ZBTB1: variants seen among roughly 807,000 people sequenced by gnomAD.
ZBTB1 encodes zinc finger and BTB domain containing 1, also known as zinc finger and BTB domain-containing protein 1.
A neutral mutation model predicts 51.6 loss-of-function variants in ZBTB1; 13 were observed. The ratio of observed to expected loss-of-function variants is 0.25; its 90% CI spans 0.16 to 0.40. The LOEUF (loss-of-function observed/expected upper bound fraction) is 0.40, where lower values mean the gene tolerates loss of function less well. Ranked by LOEUF, ZBTB1 falls within the 10% of genes least tolerant of loss-of-function variation. The pLI is 1.00. For synonymous variants in ZBTB1, 240 were observed against 282.2 expected, an observed-to-expected ratio of 0.85 and a Z score of 1.50; for missense variants, 567 against 856.5, an observed-to-expected ratio of 0.66 and a Z score of 4.22.
intron 1 of ZBTB1, among the ~76,000 whole-genome samples, chr14:64,507,757 A>G (rs1566629423): frequency 6.6e-6 from 1 of 152,228 alleles, no homozygotes; most frequent in Non-Finnish European, 1.5e-5. Flanking sequence ...TACTTTGTTC[A>G]TGTTAATGTT....
chr14:64,524,174 G>A lies in ZBTB1; in HGVS notation c.*528G>A. On this transcript the variant is annotated 3_prime_UTR_variant, in exon 2 of 2. Coordinates refer to ENST00000683701, the MANE Select transcript of ZBTB1 (RefSeq NM_001123329.2). ...ATTGACAAGCTTATTAGGCAAGTTA[G>A]GTGCACTGAATCTAACCTTTAAGGT... 5.1e-6 allele frequency: 5 copies of A among 985,048 alleles called. No individual in the cohort carries two copies. Among genetic ancestry groups the A allele is most frequent in the Non-Finnish European group, 6.0e-6 (5 of 829,830 alleles). 61.0% of individuals were successfully genotyped at this position (985,048 alleles called of 1,614,324 possible).
rs71123855 is a variant in ZBTB1 at position 64,518,904 on chromosome 14, GTATATATATATA to G, written c.-18-2562_-18-2551del. Reference sequence around the variant, plus strand: ...AATGAAGAAAACTAGTTGCAGAGAGGTATATATATATATATATATATATATATATATAGTATG... The same window carrying G: ...AATGAAGAAAACTAGTTGCAGAGAGGTATATATATATATATATATAGTATG... On this transcript the variant is annotated intron_variant, in intron 1 of 1. Transcript: ENST00000683701. Among the ~76,000 whole-genome samples, 103 of 95,120 alleles carry G rather than the reference GTATATATATATA, an allele frequency of 1.1e-3. 2 individuals are homozygous for G. The highest frequency in any genetic ancestry group is 4.4e-3 in the African/African-American group (98 of 22,518). The allele number at this position is 95,120 out of a possible 152,430, so 62.4% of individuals were successfully genotyped here.
At chr14:64,526,108 G>A (rs1369885083), downstream of ZBTB1, among the ~76,000 whole-genome samples, 1 of 144,518 alleles carries the variant, frequency 6.9e-6, no homozygotes, top group South Asian at 2.1e-4. Flanking sequence ...ATGAGCCACC[G>A]TGCCCGGCCA....
At position 64,531,288 on chromosome 14, in the gene ZBTB1, T is replaced by G. The variant is rs188546577; in HGVS notation, c.1899-573T>G. Among the ~76,000 whole-genome samples the G allele has an allele frequency of 2.0e-5, 3 of 152,254 alleles. No individual in the cohort carries two copies. The East Asian group carries it at 5.8e-4, about 29-fold the overall frequency. On this transcript the variant is annotated intron_variant, in intron 2 of 2. Coordinates refer to the ZBTB1 transcript ENST00000358738. ...TCTTATTATGAGGGAAAAGCACTGT[T>G]GCCAAAAATATAATTTTACTCAGAA...
chr14:64,506,732 C>T (rs535530185), intron 1 of ZBTB1, among the ~76,000 whole-genome samples: 4 of 152,266 alleles, frequency 2.6e-5, no homozygotes, highest in South Asian at 4.1e-4. Flanking sequence ...AACAGTCTTT[C>T]CTGAAGCCTT....
chr14:64,528,344 C>CTTTTTTTTTTTTTTTTTTTT (rs71123857), downstream of ZBTB1, among the ~76,000 whole-genome samples: 1 of 115,538 alleles, frequency 8.7e-6, no homozygotes, highest in African/African-American at 3.5e-5. Context: ...TTTTTCTTTT[C>CTTTTTTTTTTTTTTTTTTTT]TTTTTTTTTT....
At chr14:64,503,878 T>TACGTGCGC (rs1402543284), upstream of ZBTB1, 1 of 152,304 alleles carries the variant, frequency 6.6e-6, no homozygotes, top group Non-Finnish European at 1.5e-5. Context: ...CGTGCGTGCG[T>TACGTGCGC]ACGTGCGCGC....
chr14:64,508,890 A>G (rs2140087499), intron 1 of ZBTB1, among the ~76,000 whole-genome samples: 1 of 152,380 alleles, frequency 6.6e-6, no homozygotes, highest in Middle Eastern at 3.4e-3. Flanking sequence ...GTAATGACTG[A>G]GATACTGCCC....
chr14:64,504,034 CG>C, upstream of ZBTB1: 1 of 152,392 alleles, frequency 6.6e-6, no homozygotes, highest in Non-Finnish European at 1.5e-5. Flanking sequence ...CCGCGTGACC[CG>C]GGGACTTTCC....
chr14:64,517,243 CCCTA>C (rs1467584565), intron 1 of ZBTB1, among the ~76,000 whole-genome samples: 6 of 152,246 alleles, frequency 3.9e-5, no homozygotes, highest in Non-Finnish European at 5.9e-5. Flanking sequence ...GAGGTATTAT[CCCTA>C]CCTTTTCAGT....
At chr14:64,511,297 G>A (rs570372263) in intron 1 of ZBTB1, 2 of 152,162 alleles carry the variant, frequency 1.3e-5, no homozygotes, top group African/African-American at 4.8e-5. Context: ...AGGATGAATG[G>A]ATTAAAATGT....
At position 64,524,858 on chromosome 14, in the gene ZBTB1, T is replaced by G; in HGVS notation, c.*1212T>G. ...ATTTTTTCAGTTAAAGTAGTAGTAT[T>G]GTTAGTTGTTGCTGACACAGGGTCT... On this transcript the variant is annotated 3_prime_UTR_variant, in exon 2 of 2. Transcript: ENST00000683701. 1 of 985,282 alleles carries G rather than the reference T, an allele frequency of 1.0e-6. No homozygotes were observed. The highest frequency in any genetic ancestry group is 1.2e-6 in the Non-Finnish European group (1 of 829,816). 61.0% of individuals were successfully genotyped at this position (985,282 alleles called of 1,614,324 possible).
chr14:64,519,222 C>A, intron 1 of ZBTB1, among the ~76,000 whole-genome samples: 1 of 149,430 alleles, frequency 6.7e-6, no homozygotes, highest in Admixed American at 6.7e-5. Flanking sequence ...AATCTCTGCT[C>A]CCTGCAACCT....
exon 3 of ZBTB1, chr14:64,532,892 T>A (rs1303553573): frequency 6.6e-6 from 1 of 152,100 alleles, no homozygotes; most frequent in Non-Finnish European, 1.5e-5. Context: ...CTTAACCATA[T>A]GAATTTTATT....
intron 1 of ZBTB1, among the ~76,000 whole-genome samples, chr14:64,517,619 T>C (rs530813920): frequency 6.6e-6 from 1 of 151,528 alleles, no homozygotes; most frequent in Admixed American, 6.6e-5. Flanking sequence ...TTTTTTCATC[T>C]TTTTTCCCCC....
Position 64,504,863 on chromosome 14 carries a change from C to T in ZBTB1, c.-102C>T, listed in dbSNP as rs1306126359. ...CGCCGCCGCCACTGCAGCTCGCGGCCCCTTCGCCTTCGCCCGCCTTTCCCG... is the reference window on the plus strand; with the variant it reads ...CGCCGCCGCCACTGCAGCTCGCGGCTCCTTCGCCTTCGCCCGCCTTTCCCG... On this transcript the variant is annotated 5_prime_UTR_variant, in exon 1 of 2. Coordinates refer to ENST00000683701, the MANE Select transcript of ZBTB1 (RefSeq NM_001123329.2). The T allele has an allele frequency of 7.6e-6, 3 of 397,270 alleles. No individual in the cohort carries two copies. The highest frequency in any genetic ancestry group is 8.9e-5 in the Admixed American group (2 of 22,560). 24.6% of individuals were successfully genotyped at this position (397,270 alleles called of 1,614,324 possible). A position where few individuals can be genotyped will look rare whatever the true frequency, so the allele number is the denominator to read the frequency against.
Position 64,505,678 on chromosome 14 carries a change from C to T in ZBTB1, c.-19+732C>T, listed in dbSNP as rs116324696. Among the ~76,000 whole-genome samples the T allele has an allele frequency of 2.5e-4, 38 of 152,244 alleles. No individual in the cohort carries two copies. In the South Asian group the frequency reaches 3.3e-3, roughly 13 times the overall value. On this transcript the variant is annotated intron_variant, in intron 1 of 1. Transcript: ENST00000683701. ...CCAGTCTCCCTTTCTACCTAAGCAA[C>T]GCGTGTACATGATCTGAAGGGTTGA...
chr14:64,518,024 A>G (rs1234047417), intron 1 of ZBTB1, among the ~76,000 whole-genome samples: 1 of 151,868 alleles, frequency 6.6e-6, no homozygotes, highest in African/African-American at 2.4e-5. Flanking sequence ...TTTAGTAGAG[A>G]TGGGGTTTCA....
rs146456222 is a variant in ZBTB1 at position 64,522,130 on chromosome 14, C to T, written c.626C>T (p.Ser209Leu). ...TTATCTACTCCAAAAGAACGTGTGT[C>T]AAGACGCTTTGGGCGGAGTTTTACC... ...SKLSTPKERV[S>L]RRFGRSFTCD... is the part of the protein sequence containing the mutation. The change falls in exon 2 of 2, where the codon TCA (serine) becomes TTA (leucine). Residue 209 changes from serine to leucine, a missense_variant. Ser to Leu is a moderately radical substitution (Grantham distance 145, BLOSUM62 -2). Coordinates refer to ENST00000683701, the MANE Select transcript of ZBTB1 (RefSeq NM_001123329.2). 6 of 1,614,066 alleles carry T rather than the reference C, an allele frequency of 3.7e-6. No individual in the cohort carries two copies. Among genetic ancestry groups the T allele is most frequent in the Non-Finnish European group, 5.1e-6 (6 of 1,180,028 alleles).
Sources: allele counts gnomAD v4.1 joint callset (sites outside exome capture counted in the v4.1 genomes callset), GRCh38; gene constraint gnomAD v4.1.1; transcripts MANE v1.5; gene names NCBI Gene and HGNC (gene_info 2026-07-23, HGNC 2026-07-21).